The following DAB1 variants were observed in gnomAD, a reference collection of about 807,000 sequenced individuals.
The protein encoded by DAB1 is disabled homolog 1.
Under a neutral mutation model 64.6 loss-of-function variants are expected in DAB1, and 15 were observed. The ratio of observed to expected loss-of-function variants is 0.23; its 90% confidence interval spans 0.16 to 0.36. DAB1 has a LOEUF of 0.36. DAB1 is among the 10% of genes least tolerant of loss of function. The pLI is 1.00. For missense variants in DAB1, 596 were observed against 706.7 expected, an observed-to-expected ratio of 0.84 and a Z score of 1.78; for synonymous variants, 235 against 251.9, an observed-to-expected ratio of 0.93 and a Z score of 0.64.
intron 7 of DAB1, among the ~76,000 whole-genome samples, chr1:57,507,243 C>T (rs1003137577): frequency 6.6e-6 from 1 of 152,166 alleles, no homozygotes; most frequent in Admixed American, 6.5e-5. Context: ...GATTGGTCCA[C>T]TCATTACTGC....
intron 2 of DAB1, among the ~76,000 whole-genome samples, chr1:57,212,507 A>G (rs1666098449): frequency 6.6e-6 from 1 of 151,368 alleles, no homozygotes; most frequent in East Asian, 1.9e-4. Flanking sequence ...AGCTGGGACT[A>G]CAGACGGCTG....
At chr1:58,358,080 T>C (rs1048991443) in intron 3 of DAB1, among the ~76,000 whole-genome samples, 1 of 152,220 alleles carries the variant, frequency 6.6e-6, no homozygotes, top group African/African-American at 2.4e-5. Context: ...TGTTTACCTG[T>C]TTCCAGAAAT....
At chr1:57,759,786 T>C (rs551809392) in intron 6 of DAB1, among the ~76,000 whole-genome samples, 1 of 152,062 alleles carries the variant, frequency 6.6e-6, no homozygotes, top group Admixed American at 6.6e-5. Flanking sequence ...GATAGGGACA[T>C]TGACCATGGT....
At chr1:57,100,953 T>G (rs977934399) in intron 4 of DAB1, among the ~76,000 whole-genome samples, 22 of 152,204 alleles carry the variant, frequency 1.4e-4, no homozygotes, top group African/African-American at 4.6e-4. Flanking sequence ...TTTAAGCACT[T>G]TAATCCTCCC....
chr1:58,532,456 A>G (rs1040630583), intron 1 of DAB1, among the ~76,000 whole-genome samples: 3 of 152,228 alleles, frequency 2.0e-5, no homozygotes, highest in Admixed American at 1.3e-4. Context: ...TACTTGAAAG[A>G]TATTAGAGTG....
At chr1:57,756,365 A>AGT (rs1452401114) in intron 6 of DAB1, among the ~76,000 whole-genome samples, 1 of 152,216 alleles carries the variant, frequency 6.6e-6, no homozygotes, top group Non-Finnish European at 1.5e-5. Flanking sequence ...AGAAAGGTGT[A>AGT]GTGCAGTGAA....
At chr1:57,079,201 C>T (rs1299510511) in intron 4 of DAB1, among the ~76,000 whole-genome samples, 1 of 152,050 alleles carries the variant, frequency 6.6e-6, no homozygotes, top group Non-Finnish European at 1.5e-5. Flanking sequence ...CTTATTTATG[C>T]TAATTTTTGC....
chr1:57,344,162 C>A (rs1020708266), intron 1 of DAB1, among the ~76,000 whole-genome samples: 10 of 152,184 alleles, frequency 6.6e-5, no homozygotes, highest in Non-Finnish European at 1.3e-4. Flanking sequence ...ATGGCAGAAC[C>A]AAGTTACAAA....
intron 2 of DAB1, among the ~76,000 whole-genome samples, chr1:57,261,170 C>A (rs1670153170): frequency 1.3e-5 from 2 of 152,096 alleles, no homozygotes; most frequent in Admixed American, 6.5e-5. Context: ...GAGCCTGCAG[C>A]CACCCCACCT....
chr1:57,971,157 C>T (rs1029633323), intron 5 of DAB1, among the ~76,000 whole-genome samples: 1 of 152,150 alleles, frequency 6.6e-6, no homozygotes, highest in African/African-American at 2.4e-5. Context: ...AGACTTGGAT[C>T]TTTTGGCTTC....
chr1:57,823,387 G>A (rs1652207707), downstream of DAB1, among the ~76,000 whole-genome samples: 1 of 152,102 alleles, frequency 6.6e-6, no homozygotes, highest in South Asian at 2.1e-4. Context: ...TGGGGAGGTT[G>A]GACACCGAGG....
chr1:58,462,163 A>G (rs1391036532), intron 3 of DAB1, among the ~76,000 whole-genome samples: 1 of 123,336 alleles, frequency 8.1e-6, no homozygotes, highest in Admixed American at 1.1e-4. Context: ...TCTGTCGCCC[A>G]GGCCGGACTG....
intron 4 of DAB1, among the ~76,000 whole-genome samples, chr1:58,309,083 A>G (rs780133197): frequency 6.6e-6 from 1 of 152,206 alleles, no homozygotes; most frequent in Non-Finnish European, 1.5e-5. Flanking sequence ...GCTTAGCCTT[A>G]GAGCCTCTTT....
At chr1:57,014,814 A>G in intron 12 of DAB1, 69 bp downstream of exon 12, 4 of 1,370,390 alleles carry the variant, frequency 2.9e-6, no homozygotes, top group Non-Finnish European at 4.0e-6. Flanking sequence ...ATTTGACTCC[A>G]GAAACCCCGC....
chr1:58,373,891 T>A (rs1314959353), intron 3 of DAB1, among the ~76,000 whole-genome samples: 1 of 150,732 alleles, frequency 6.6e-6, no homozygotes, highest in Non-Finnish European at 1.5e-5. Flanking sequence ...TGAGATGATA[T>A]CTCATAGTGG....
intron 3 of DAB1, among the ~76,000 whole-genome samples, chr1:58,504,840 T>C (rs1645961784): frequency 1.3e-5 from 2 of 152,226 alleles, no homozygotes; most frequent in Non-Finnish European, 2.9e-5. Flanking sequence ...TAGCATCCTG[T>C]AAATATCAAG....
intron 4 of DAB1, among the ~76,000 whole-genome samples, chr1:58,299,173 T>C (rs1662060727): frequency 6.6e-6 from 1 of 152,184 alleles, no homozygotes; most frequent in Admixed American, 6.5e-5. Flanking sequence ...TGGCTCAGAG[T>C]ATCATACCTT....
intron 5 of DAB1, among the ~76,000 whole-genome samples, chr1:57,901,360 C>G (rs925063666): frequency 6.6e-6 from 1 of 152,132 alleles, no homozygotes; most frequent in African/African-American, 2.4e-5. Context: ...TAGCGAGCTC[C>G]CCCTCCCTGC....
chr1:57,306,512 G>GC (rs1345743894), intron 1 of DAB1, among the ~76,000 whole-genome samples: 1 of 140,650 alleles, frequency 7.1e-6, no homozygotes, highest in Non-Finnish European at 1.5e-5. Flanking sequence ...CTTAGAACAG[G>GC]CTTTTTTTTT....
Sources: gnomAD v4.1 joint callset for allele counts (sites outside exome capture counted in the v4.1 genomes callset) on GRCh38, gnomAD v4.1.1 for gene constraint, MANE v1.5 for transcripts, NCBI Gene and HGNC (gene_info 2026-07-23, HGNC 2026-07-21) for gene names.